PPP3CA: variants seen among roughly 807,000 people sequenced by gnomAD.
PPP3CA encodes the protein CAM-PRP catalytic subunit.
In PPP3CA, 14 loss-of-function variants were observed where a neutral mutation model predicts 66.5. The observed-to-expected ratio is 0.21, with a 90% CI of 0.14 to 0.33. PPP3CA has a LOEUF of 0.33. Ranked by LOEUF, PPP3CA falls within the 10% of genes least tolerant of loss-of-function variation. The pLI is 1.00. For missense variants in PPP3CA, 317 were observed against 639.5 expected (o/e 0.50, Z 5.44); for synonymous variants, 232 against 226.2 (o/e 1.03, Z -0.23).
intron 1 of PPP3CA, among the ~76,000 whole-genome samples, chr4:101,291,053 C>G (rs2110288867): frequency 6.6e-6 from 1 of 152,250 alleles, no homozygotes; most frequent in South Asian, 2.1e-4. Flanking sequence ...AAAGCAGAAC[C>G]TAAGAGAGCA....
At position 101,025,820 on chromosome 4, in the gene PPP3CA, CAAAAAAAAAAAAAAAA is replaced by C. The variant is rs35434632; in HGVS notation, c.*29_*44del. On this transcript the variant is annotated 3_prime_UTR_variant, in exon 14 of 14. Transcript: ENST00000394854. The stretch of plus-strand genomic sequence containing the variant: ...GCAATCCCCATCATGCCCCGCAGCT[CAAAAAAAAAAAAAAAA>C]AAAAAAAAAAAAAGTGAACAGGAAG... 23 of 479,358 alleles carry C rather than the reference CAAAAAAAAAAAAAAAA, an allele frequency of 4.8e-5. No individual in the cohort carries two copies. Among genetic ancestry groups the C allele is most frequent in the African/African-American group, 1.6e-4 (3 of 18,386 alleles). The allele number at this position is 479,358 out of a possible 1,614,324, so 29.7% of individuals were successfully genotyped here. A position where few individuals can be genotyped will look rare whatever the true frequency, so the allele number is the denominator to read the frequency against.
chr4:101,201,972 A>G (rs79869877), intron 1 of PPP3CA, among the ~76,000 whole-genome samples: 290 of 152,318 alleles, frequency 1.9e-3, no homozygotes, highest in East Asian at 0.014. Context: ...TAACAAACAT[A>G]AGCCAACCCA....
chr4:101,255,475 T>C (rs958253458), intron 1 of PPP3CA, among the ~76,000 whole-genome samples: 1 of 151,878 alleles, frequency 6.6e-6, no homozygotes, highest in Non-Finnish European at 1.5e-5. Context: ...ACTTATGATA[T>C]ACAAAGATGT....
At chr4:101,240,431 C>A (rs1726268410) in intron 1 of PPP3CA, among the ~76,000 whole-genome samples, 1 of 152,030 alleles carries the variant, frequency 6.6e-6, no homozygotes, top group Non-Finnish European at 1.5e-5. Flanking sequence ...TCAATTCATT[C>A]AGGTATATTA....
intron 1 of PPP3CA, among the ~76,000 whole-genome samples, chr4:101,203,369 C>T (rs1725030113): frequency 6.6e-6 from 1 of 152,008 alleles, no homozygotes; most frequent in Non-Finnish European, 1.5e-5. Flanking sequence ...GTGGCACATG[C>T]CTGCAGTCCC....
chr4:101,216,643 T>C (rs570944696), intron 1 of PPP3CA, among the ~76,000 whole-genome samples: 11 of 152,232 alleles, frequency 7.2e-5, no homozygotes, highest in African/African-American at 2.2e-4. Flanking sequence ...GTGCAGGTGA[T>C]CCTCCCACCT....
chr4:101,237,187 A>G (rs1726156960), intron 1 of PPP3CA, among the ~76,000 whole-genome samples: 1 of 140,354 alleles, frequency 7.1e-6, no homozygotes, highest in Non-Finnish European at 1.6e-5. Context: ...AGAAAATACA[A>G]TTTCTCCTGC....
At chr4:101,271,185 T>C (rs1561720) in intron 1 of PPP3CA, among the ~76,000 whole-genome samples, 1,804 of 152,260 alleles carry the variant, frequency 0.012, 26 homozygotes, top group African/African-American at 0.04. Flanking sequence ...CTACATGTTT[T>C]CCAAAACTTG....
intron 2 of PPP3CA, among the ~76,000 whole-genome samples, chr4:101,174,025 C>A (rs1035900797): frequency 2.0e-5 from 3 of 151,972 alleles, no homozygotes; most frequent in African/African-American, 7.2e-5. Context: ...GAACTCCAGC[C>A]CGGGCAACAG....
At chr4:101,291,726 A>C (rs1728032993) in intron 1 of PPP3CA, among the ~76,000 whole-genome samples, 2 of 152,194 alleles carry the variant, frequency 1.3e-5, no homozygotes, top group Non-Finnish European at 1.5e-5. Context: ...GGACAGAGTG[A>C]TATGCAGGAG....
At chr4:101,178,011 G>T (rs1724117711) in intron 2 of PPP3CA, among the ~76,000 whole-genome samples, 1 of 151,986 alleles carries the variant, frequency 6.6e-6, no homozygotes, top group East Asian at 1.9e-4. Flanking sequence ...GATATTTTTT[G>T]GTCACTGAGT....
intron 1 of PPP3CA, among the ~76,000 whole-genome samples, chr4:101,312,461 T>C (rs1728757662): frequency 6.6e-6 from 1 of 151,506 alleles, no homozygotes; most frequent in Admixed American, 6.6e-5. Context: ...GGGAGAAGAG[T>C]TTTTACCTAA....
intron 2 of PPP3CA, among the ~76,000 whole-genome samples, chr4:101,148,002 G>T (rs927299251): frequency 3.9e-5 from 6 of 152,054 alleles, no homozygotes; most frequent in Non-Finnish European, 7.4e-5. Flanking sequence ...ACTGGTCTAG[G>T]ACATATTGTA....
At chr4:101,295,027 C>A (rs1476612720) in intron 1 of PPP3CA, among the ~76,000 whole-genome samples, 1 of 152,098 alleles carries the variant, frequency 6.6e-6, no homozygotes, top group Non-Finnish European at 1.5e-5. Context: ...TCGGGCCGGG[C>A]GCGGTGGCTC....
chr4:101,310,267 T>C (rs558663350), intron 1 of PPP3CA, among the ~76,000 whole-genome samples: 59 of 152,286 alleles, frequency 3.9e-4, no homozygotes, highest in African/African-American at 1.3e-3. Flanking sequence ...ATAATGATGG[T>C]TATGTTCTAT....
chr4:101,132,181 AC>A (rs1360685057), intron 2 of PPP3CA, among the ~76,000 whole-genome samples: 1 of 152,186 alleles, frequency 6.6e-6, no homozygotes, highest in African/African-American at 2.4e-5. Context: ...CCCTAACATC[AC>A]AATTAAAGAG....
chr4:101,317,900 C>T (rs1728929236), intron 1 of PPP3CA, among the ~76,000 whole-genome samples: 1 of 152,162 alleles, frequency 6.6e-6, no homozygotes, highest in South Asian at 2.1e-4. Context: ...CTTCTGTAAA[C>T]TGGAAAAACA....
chr4:101,292,729 T>C (rs546582105), intron 1 of PPP3CA, among the ~76,000 whole-genome samples: 3 of 152,294 alleles, frequency 2.0e-5, no homozygotes, highest in African/African-American at 7.2e-5. Context: ...GTCCTTAGGA[T>C]AGGGCAAACA....
At chr4:101,238,978 C>A (rs2110231604) in intron 1 of PPP3CA, among the ~76,000 whole-genome samples, 1 of 152,174 alleles carries the variant, frequency 6.6e-6, no homozygotes, top group East Asian at 1.9e-4. Flanking sequence ...AACAAATACA[C>A]ACATCTATTG....
Sources: allele counts gnomAD v4.1 joint callset (sites outside exome capture counted in the v4.1 genomes callset), GRCh38; gene constraint gnomAD v4.1.1; transcripts MANE v1.5; gene names NCBI Gene and HGNC (gene_info 2026-07-23, HGNC 2026-07-21).